OSBPL3: variants seen among roughly 807,000 people sequenced by gnomAD.
OSBPL3 encodes oxysterol-binding protein-related protein 3.
OSBPL3 carries 65 observed loss-of-function variants against 120.1 expected under a neutral mutation model. That is an observed-to-expected ratio of 0.54 (90% confidence interval 0.44 to 0.67). The LOEUF (loss-of-function observed/expected upper bound fraction) is 0.67. OSBPL3 is among the 30% of genes least tolerant of loss of function. The pLI, the probability that OSBPL3 is intolerant of heterozygous loss-of-function variation, is 0.00. For synonymous variants in OSBPL3, 416 were observed against 402.6 expected (o/e 1.03, Z -0.40); for missense variants, 1,004 against 1,082.1 (o/e 0.93, Z 1.01).
chr7:24,917,985 G>T, intron 1 of OSBPL3: 1 of 617,146 alleles, frequency 1.6e-6, no homozygotes, highest in Non-Finnish European at 2.0e-6. Context: ...TCAGCCTGAC[G>T]ATCCTGTCTA....
chr7:24,899,906 T>C lies in OSBPL3; in HGVS notation c.-149-7285A>G, dbSNP rs886789295. Among the ~76,000 whole-genome samples the C allele has an allele frequency of 2.0e-5, 3 of 152,244 alleles. No homozygotes were observed. The highest frequency in any genetic ancestry group is 2.9e-5 in the Non-Finnish European group (2 of 68,046). ...CCTGATAATCTGCATGTTTAACACATGCCCTGGGTGATTTTTGCTTAAAGT... is the reference window on the plus strand; with the variant it reads ...CCTGATAATCTGCATGTTTAACACACGCCCTGGGTGATTTTTGCTTAAAGT... On this transcript the variant is annotated intron_variant, in intron 1 of 22. Coordinates refer to ENST00000313367, the MANE Select transcript of OSBPL3 (RefSeq NM_015550.4). This position sits in a 1 kb window ranked among gnomAD's most constrained non-coding sequence, Gnocchi z 4.0.
In OSBPL3 at chr7:24,953,490, A is replaced by G. The variant is rs154; in HGVS notation, c.-150+26396T>C. 6.6e-6 allele frequency among the ~76,000 whole-genome samples: 1 copy of G among 152,280 alleles called. No individual in the cohort carries two copies. ...GCTGAATTGTAATCAGACTTGAATAATCATCTTAAATAAAAGTTTATTAAT... is the reference window on the plus strand; with the variant it reads ...GCTGAATTGTAATCAGACTTGAATAGTCATCTTAAATAAAAGTTTATTAAT... On this transcript the variant is annotated intron_variant, in intron 1 of 22. Coordinates refer to ENST00000313367, the MANE Select transcript of OSBPL3 (RefSeq NM_015550.4). The surrounding 1 kb of genome is among the most constrained non-coding windows in gnomAD (Gnocchi z 4.3).
chr7:24,928,202 T>TG lies in OSBPL3; in HGVS notation c.-149-35582_-149-35581insC, dbSNP rs528506948. Among the ~76,000 whole-genome samples the TG allele has an allele frequency of 7.4e-4, 111 of 150,636 alleles. 4 individuals carry two copies. Among genetic ancestry groups the TG allele is most frequent in the African/African-American group, 2.2e-4 (9 of 41,004 alleles). On this transcript the variant is annotated intron_variant, in intron 1 of 22. Transcript: ENST00000313367. Reference sequence around the variant, plus strand: ...ATTAAACCTTCCTTTTTGTTTTTTTTTTTTTTTGAGATGGAGTCTCGCTCT... The same window carrying TG: ...ATTAAACCTTCCTTTTTGTTTTTTTTGTTTTTTTGAGATGGAGTCTCGCTCT...
chr7:24,969,952 T>C (rs1403709196), intron 1 of OSBPL3, among the ~76,000 whole-genome samples: 1 of 152,146 alleles, frequency 6.6e-6, no homozygotes, highest in African/African-American at 2.4e-5. Context: ...TGGGCCCTAA[T>C]CTACCTCTCC....
chr7:24,867,044 C>G lies in OSBPL3; in HGVS notation c.382-807G>C, dbSNP rs1801427564. ...CTCGAACTCCTGACCTGGTGATCTG[C>G]CCGCCTCGGCCTCCCAAAGTGCTGG... On this transcript the variant is annotated intron_variant, in intron 5 of 22. Transcript: ENST00000313367. The surrounding 1 kb of genome is among the most constrained non-coding windows in gnomAD (Gnocchi z 4.5). Among the ~76,000 whole-genome samples the G allele has an allele frequency of 6.6e-6, 1 of 152,198 alleles. No individual in the cohort carries two copies.
chr7:24,893,674 C>T (rs929646459), intron 1 of OSBPL3, among the ~76,000 whole-genome samples: 3 of 129,990 alleles, frequency 2.3e-5, no homozygotes, highest in East Asian at 2.5e-4. Flanking sequence ...TAGCCAGGCA[C>T]GGTAGTGGGT....
At chr7:24,920,024 G>A (rs1251574206) in intron 1 of OSBPL3, among the ~76,000 whole-genome samples, 1 of 152,062 alleles carries the variant, frequency 6.6e-6, no homozygotes, top group Non-Finnish European at 1.5e-5. Context: ...TATCAAGGAT[G>A]TGGAGAAACT....
Position 24,833,198 on chromosome 7 carries a change from G to T in OSBPL3, c.1746+1288C>A, listed in dbSNP as rs1026088110. Among the ~76,000 whole-genome samples, 4 of 152,156 alleles carry T rather than the reference G, an allele frequency of 2.6e-5. No individual in the cohort carries two copies. Among genetic ancestry groups the T allele is most frequent in the African/African-American group, 9.7e-5 (4 of 41,428 alleles). On this transcript the variant is annotated intron_variant, in intron 15 of 22. Transcript: ENST00000313367. The surrounding 1 kb of genome is among the most constrained non-coding windows in gnomAD (Gnocchi z 4.4). ...TTTTTGTCTCCTACCCTGATTATCA[G>T]TAACAAGAAAGAAAGTCTCTTGGGC...
chr7:24,935,927 C>T (rs2128473797), intron 1 of OSBPL3, among the ~76,000 whole-genome samples: 1 of 151,928 alleles, frequency 6.6e-6, no homozygotes, highest in East Asian at 1.9e-4. Context: ...TACATGTGCA[C>T]AATGTGCAGG....
chr7:24,805,606 A>G lies in OSBPL3; in HGVS notation c.2445-1169T>C, dbSNP rs1035992614. ...AAAATACTTCCCTAAAAAAGTAGAC[A>G]AACTGCACGAAACAGTACAAGCATA... On this transcript the variant is annotated intron_variant, in intron 21 of 22. Coordinates refer to ENST00000313367, the MANE Select transcript of OSBPL3 (RefSeq NM_015550.4). The surrounding 1 kb of genome is among the most constrained non-coding windows in gnomAD (Gnocchi z 4.0). Among the ~76,000 whole-genome samples the G allele has an allele frequency of 3.9e-5, 6 of 152,224 alleles. No homozygotes were observed. The highest frequency in any genetic ancestry group is 7.3e-5 in the Non-Finnish European group (5 of 68,046).
rs772517611 is a variant in OSBPL3, at chr7:24,946,542, T to C, written c.-150+33344A>G. 2.6e-5 allele frequency among the ~76,000 whole-genome samples: 4 copies of C among 152,330 alleles called. No individual in the cohort carries two copies. The highest frequency in any genetic ancestry group is 6.5e-5 in the Admixed American group (1 of 15,304). On this transcript the variant is annotated intron_variant, in intron 1 of 22. Transcript: ENST00000313367. The surrounding 1 kb of genome is among the most constrained non-coding windows in gnomAD (Gnocchi z 4.3). The stretch of plus-strand genomic sequence containing the variant: ...ATTAAGAGGGAAGTAACAGACATTA[T>C]CTGTTATTTTGCTCAGTACAAGTAT...
At position 24,916,921 on chromosome 7, in the gene OSBPL3, C is replaced by CCCA. The variant is rs71309069; in HGVS notation, c.-149-24301_-149-24300insTGG. Among the ~76,000 whole-genome samples, 7 of 149,468 alleles carry CCCA rather than the reference C, an allele frequency of 4.7e-5. No homozygotes were observed. Among genetic ancestry groups the CCCA allele is most frequent in the Non-Finnish European group, 8.9e-5 (6 of 67,784 alleles). On this transcript the variant is annotated intron_variant, in intron 1 of 22. Coordinates refer to ENST00000313367, the MANE Select transcript of OSBPL3 (RefSeq NM_015550.4). This position sits in a 1 kb window ranked among gnomAD's most constrained non-coding sequence, Gnocchi z 4.9. ...CACTAAGACGTCTTCCATTTCCACC[C>CCCA]CCCCCAACCTTTTTAGAAAATTAAA...
intron 16 of OSBPL3, among the ~76,000 whole-genome samples, chr7:24,829,006 C>G (rs193259426): frequency 6.6e-6 from 1 of 152,168 alleles, no homozygotes; most frequent in East Asian, 1.9e-4. Context: ...ATTTCTCCCC[C>G]ACTGTGCCAC....
chr7:24,859,533 C>T (rs1469264210), intron 10 of OSBPL3, among the ~76,000 whole-genome samples: 1 of 152,096 alleles, frequency 6.6e-6, no homozygotes, highest in Non-Finnish European at 1.5e-5. Flanking sequence ...GGACATCTTT[C>T]TACAACTATA....
rs1801266823 is a variant in OSBPL3, at chr7:24,866,043, A to T, written c.549+27T>A. The T allele has an allele frequency of 4.4e-6, 7 of 1,595,932 alleles. No individual in the cohort carries two copies. The Admixed American group carries it at 1.0e-4, about 23-fold the overall frequency. ...TGAAACAAAGCCACCCCGTTCTCAG[A>T]TTCATTATTGGCAAAACACTCATTA... On this transcript the variant is annotated intron_variant, in intron 6 of 22. Transcript: ENST00000313367.
chr7:24,943,242 C>A (rs1030030615), intron 1 of OSBPL3, among the ~76,000 whole-genome samples: 1 of 152,188 alleles, frequency 6.6e-6, no homozygotes, highest in African/African-American at 2.4e-5. Context: ...AGTACACTGG[C>A]TGGATCCATG....
rs1486544526 is a variant in OSBPL3, at chr7:24,861,642, T to C, written c.998A>G (p.Gln333Arg). Reference protein sequence around the residue: ...SETSSEFSKMQEDLCHIAHKV... With the variant: ...SETSSEFSKMREDLCHIAHKV... ...ATGGGCAATATGACACAGATCTTCT[T>C]GCATTTTAGAAAACTCTGATGAGGT... Residue 333 changes from glutamine to arginine, a missense_variant, in exon 10 of 23, where the codon CAA (glutamine) becomes CGA (arginine). By Grantham distance (43) the Gln-to-Arg change is conservative. Transcript: ENST00000313367. The C allele has an allele frequency of 1.2e-6, 2 of 1,605,524 alleles. No homozygotes were observed. The highest frequency in any genetic ancestry group is 8.5e-7 in the Non-Finnish European group (1 of 1,176,978).
chr7:24,919,962 A>G (rs1810189549), intron 1 of OSBPL3, among the ~76,000 whole-genome samples: 1 of 152,136 alleles, frequency 6.6e-6, no homozygotes, highest in African/African-American at 2.4e-5. Context: ...ACAATGATGT[A>G]CCACTAAAAT....
chr7:24,976,078 T>C (rs939997816), intron 1 of OSBPL3, among the ~76,000 whole-genome samples: 1 of 152,224 alleles, frequency 6.6e-6, no homozygotes, highest in East Asian at 1.9e-4. Context: ...AGAAAATAAC[T>C]TGGGGATTGA....
Sources: gnomAD v4.1 joint callset for allele counts (sites outside exome capture counted in the v4.1 genomes callset) on GRCh38, gnomAD v4.1.1 for gene constraint, Gnocchi (gnomAD v3.1) non-coding constraint, MANE v1.5 for transcripts, NCBI Gene and HGNC (gene_info 2026-07-23, HGNC 2026-07-21) for gene names.